CCDC38: variants seen among roughly 807,000 people sequenced by gnomAD.
CCDC38 encodes the protein coiled-coil domain containing 38.
A neutral mutation model predicts 72.8 loss-of-function variants in CCDC38; 69 were observed. The observed-to-expected ratio is 0.95, with a 90% CI of 0.78 to 1.16. CCDC38 has a LOEUF of 1.16. Ranked by LOEUF, CCDC38 falls within the 50% of genes most tolerant of loss-of-function variation. CCDC38 has a pLI of 0.00. For synonymous variants in CCDC38, 201 were observed against 213.2 expected, an observed-to-expected ratio of 0.94 and a Z score of 0.50; for missense variants, 626 against 638.9, an observed-to-expected ratio of 0.98 and a Z score of 0.22.
At chr12:95,869,007 C>T (rs2079552730) in intron 15 of CCDC38, among the ~76,000 whole-genome samples, 2 of 152,074 alleles carry the variant, frequency 1.3e-5, no homozygotes, top group African/African-American at 4.8e-5. Flanking sequence ...TGAAAGAAGC[C>T]AAGTTCCTAG....
At chr12:95,897,827 C>G (rs1186242453) in intron 7 of CCDC38, among the ~76,000 whole-genome samples, 4 of 152,012 alleles carry the variant, frequency 2.6e-5, no homozygotes, top group Non-Finnish European at 4.4e-5. Context: ...AACTCCTGGG[C>G]TCAAGCGATC....
intron 2 of CCDC38, among the ~76,000 whole-genome samples, chr12:95,920,541 A>C (rs947926794): frequency 1.3e-5 from 2 of 152,248 alleles, no homozygotes; most frequent in Non-Finnish European, 2.9e-5. Flanking sequence ...AATGAAGTAC[A>C]ATATATGCTA....
chr12:95,883,327 T>C (rs1351943773), intron 10 of CCDC38, among the ~76,000 whole-genome samples: 1 of 152,210 alleles, frequency 6.6e-6, no homozygotes, highest in East Asian at 1.9e-4. Flanking sequence ...CCCAGGGCCC[T>C]TGGGACAAAG....
intron 2 of CCDC38, among the ~76,000 whole-genome samples, chr12:95,933,028 C>T (rs2136741870): frequency 6.6e-6 from 1 of 152,294 alleles, no homozygotes; most frequent in African/African-American, 2.4e-5. Flanking sequence ...CTTTACCTCA[C>T]ACTCCATACA....
At chr12:95,937,187 C>A (rs916902122) in intron 1 of CCDC38, among the ~76,000 whole-genome samples, 1 of 152,052 alleles carries the variant, frequency 6.6e-6, no homozygotes, top group Non-Finnish European at 1.5e-5. Context: ...AACAAAATAT[C>A]AAAATTGTAA....
At chr12:95,887,610 G>C (rs2079774302) in intron 10 of CCDC38, among the ~76,000 whole-genome samples, 1 of 152,248 alleles carries the variant, frequency 6.6e-6, no homozygotes, top group Non-Finnish European at 1.5e-5. Flanking sequence ...GGAGGTGGGA[G>C]AGGGAAGTGG....
At chr12:95,922,158 T>C (rs2080216570) in intron 2 of CCDC38, among the ~76,000 whole-genome samples, 1 of 152,154 alleles carries the variant, frequency 6.6e-6, no homozygotes, top group African/African-American at 2.4e-5. Context: ...CTGTAAGTCA[T>C]GAGTTAGAGA....
rs114520045 is a variant in CCDC38, at chr12:95,872,232, A to G, written c.1484+23T>C. The G allele has an allele frequency of 7.5e-4, 1,208 of 1,607,952 alleles. 5 individuals carry two copies. In the African/African-American group the frequency reaches 0.015, roughly 19 times the overall value. On this transcript the variant is annotated intron_variant, in intron 14 of 15. Transcript: ENST00000344280. ...AGCAAAACCAGCTACTCATTAAGTCATTCTTATCCTTATTGACTGTACTTT... is the reference window on the plus strand; with the variant it reads ...AGCAAAACCAGCTACTCATTAAGTCGTTCTTATCCTTATTGACTGTACTTT...
In CCDC38 at chr12:95,869,515, C is replaced by T. The variant is rs2079557748; in HGVS notation, c.1543G>A (p.Ala515Thr). 6.2e-7 allele frequency: 1 copy of T among 1,613,588 alleles called. No individual in the cohort carries two copies. Among genetic ancestry groups the T allele is most frequent in the Non-Finnish European group, 8.5e-7 (1 of 1,179,854 alleles). Residue 515 changes from alanine (A) to threonine (T), a missense_variant, in exon 15 of 16, where the codon GCT becomes ACT. By Grantham distance (58) the Ala-to-Thr change is moderately conservative (BLOSUM62 0). Coordinates refer to ENST00000344280, the MANE Select transcript of CCDC38 (RefSeq NM_182496.3). ...QRHQQERLKA[A>T]LEKAVAQPKK... The stretch of plus-strand genomic sequence containing the variant: ...GGTTGTGCTACTGCTTTTTCCAGAG[C>T]AGCTTTTAGCCTTTCCTGTTGGTGT...
chr12:95,935,945 G>C (rs943974290), intron 2 of CCDC38, among the ~76,000 whole-genome samples: 2 of 152,080 alleles, frequency 1.3e-5, no homozygotes, highest in African/African-American at 2.4e-5. Context: ...GGGCGTGGTG[G>C]TGCATGCCTC....
intron 2 of CCDC38, among the ~76,000 whole-genome samples, chr12:95,930,963 C>T (rs992691604): frequency 8.2e-6 from 1 of 121,890 alleles, no homozygotes; most frequent in Admixed American, 9.5e-5. Context: ...AAATCCCTGA[C>T]ATTACTAATT....
chr12:95,878,836 A>G (rs2079666544), intron 12 of CCDC38, among the ~76,000 whole-genome samples: 1 of 152,192 alleles, frequency 6.6e-6, no homozygotes, highest in African/African-American at 2.4e-5. Flanking sequence ...GCCATTAGAC[A>G]CTGTGAAGAT....
intron 2 of CCDC38, among the ~76,000 whole-genome samples, chr12:95,928,770 A>C (rs1303055253): frequency 6.6e-6 from 1 of 152,142 alleles, no homozygotes; most frequent in Admixed American, 6.5e-5. Context: ...CAGGACCCTC[A>C]GCTGCAGGTC....
intron 2 of CCDC38, among the ~76,000 whole-genome samples, chr12:95,921,409 C>T (rs146367722): frequency 0.013 from 1,999 of 152,268 alleles, 42 homozygotes; most frequent in African/African-American, 0.045. Context: ...ACTCACAGTT[C>T]TGCATAGCTG....
At chr12:95,923,094 G>T (rs2080226632) in intron 2 of CCDC38, among the ~76,000 whole-genome samples, 1 of 152,046 alleles carries the variant, frequency 6.6e-6, no homozygotes, top group Non-Finnish European at 1.5e-5. Context: ...CTCACTGCTT[G>T]AACTGGGACA....
At chr12:95,898,532 AG>A in intron 6 of CCDC38, 35 bp downstream of exon 6, 1 of 1,614,062 alleles carries the variant, frequency 6.2e-7, no homozygotes, top group Non-Finnish European at 8.5e-7. Context: ...CAAACAAAAG[AG>A]GTGGGAAGGA....
At chr12:95,875,124 A>G (rs921985676) in intron 13 of CCDC38, among the ~76,000 whole-genome samples, 1 of 152,208 alleles carries the variant, frequency 6.6e-6, no homozygotes, top group Non-Finnish European at 1.5e-5. Flanking sequence ...GAAGCCAGAC[A>G]TGTTACATGA....
intron 11 of CCDC38, among the ~76,000 whole-genome samples, chr12:95,881,173 C>T (rs1478031265): frequency 6.6e-6 from 1 of 151,336 alleles, no homozygotes; most frequent in African/African-American, 2.4e-5. Context: ...CAACACATCT[C>T]AAGTCCCAAT....
chr12:95,898,287 C>G (rs2079912494), intron 7 of CCDC38, 98 bp downstream of exon 7: 1 of 1,160,628 alleles, frequency 8.6e-7, no homozygotes, highest in African/African-American at 1.5e-5. Context: ...ACATCATCAA[C>G]TGATAAGGAT....
Sources: gnomAD v4.1 joint callset for allele counts (sites outside exome capture counted in the v4.1 genomes callset) on GRCh38, gnomAD v4.1.1 for gene constraint, MANE v1.5 for transcripts, NCBI Gene and HGNC (gene_info 2026-07-23, HGNC 2026-07-21) for gene names.